SCN3A: variants seen among roughly 807,000 people sequenced by gnomAD.
The protein encoded by SCN3A is sodium voltage-gated channel alpha subunit 3.
A neutral mutation model predicts 187.6 loss-of-function variants in SCN3A; 60 were observed. That is an observed-to-expected ratio of 0.32 (90% CI 0.26 to 0.40). The LOEUF (loss-of-function observed/expected upper bound fraction) is 0.40, where lower values mean the gene tolerates loss of function less well. Ranked by LOEUF, SCN3A falls within the 10% of genes least tolerant of loss-of-function variation. The pLI, the probability that SCN3A is intolerant of heterozygous loss-of-function variation, is 1.00. For synonymous variants in SCN3A, 788 were observed against 829.2 expected, an observed-to-expected ratio of 0.95 and a Z score of 0.85; for missense variants, 1,601 against 2,428.2, an observed-to-expected ratio of 0.66 and a Z score of 7.16.
chr2:165,129,401 C>T (rs1482428174), intron 17 of SCN3A, among the ~76,000 whole-genome samples: 1 of 152,202 alleles, frequency 6.6e-6, no homozygotes, highest in African/African-American at 2.4e-5. Context: ...ATTTTGTCCT[C>T]TTCCAAGTTA....
At chr2:165,188,218 G>A (rs1691360592) in intron 1 of SCN3A, among the ~76,000 whole-genome samples, 1 of 152,116 alleles carries the variant, frequency 6.6e-6, no homozygotes, top group Non-Finnish European at 1.5e-5. Flanking sequence ...CTACCCTTAT[G>A]AAAATTACTG....
At chr2:165,189,229 C>T (rs1008599352) in intron 1 of SCN3A, among the ~76,000 whole-genome samples, 2 of 152,184 alleles carry the variant, frequency 1.3e-5, no homozygotes, top group African/African-American at 4.8e-5. Context: ...GTATAAAGGA[C>T]ATGAGGCAAC....
At chr2:165,099,717 A>AAAAC (rs536285903) in intron 22 of SCN3A, among the ~76,000 whole-genome samples, 135 of 152,262 alleles carry the variant, frequency 8.9e-4, no homozygotes, top group Non-Finnish European at 1.3e-3. Flanking sequence ...ACTCCGTCTA[A>AAAAC]AAACAAACAA....
intron 11 of SCN3A, among the ~76,000 whole-genome samples, chr2:165,149,004 C>A (rs181383622): frequency 6.6e-6 from 1 of 151,928 alleles, no homozygotes; most frequent in Non-Finnish European, 1.5e-5. Flanking sequence ...TATATATATA[C>A]CCTTTCTTAT....
chr2:165,143,142 A>T (rs182546223), intron 12 of SCN3A, among the ~76,000 whole-genome samples: 2 of 152,274 alleles, frequency 1.3e-5, no homozygotes. Flanking sequence ...TGGAATATGG[A>T]TTCAGGAAGT....
chr2:165,128,618 A>G lies in SCN3A; in HGVS notation c.2923-517T>C, dbSNP rs1687137585. On this transcript the variant is annotated intron_variant, in intron 17 of 27. Coordinates refer to ENST00000283254, the MANE Select transcript of SCN3A (RefSeq NM_006922.4). ...AAATTCCTTTGGCCCAATGGCCACAAACTTTTATAACAGCAGAAATTTCTA... is the reference window on the plus strand; with the variant it reads ...AAATTCCTTTGGCCCAATGGCCACAGACTTTTATAACAGCAGAAATTTCTA... Among the ~76,000 whole-genome samples the G allele has an allele frequency of 3.3e-5, 5 of 152,228 alleles. No individual in the cohort carries two copies. In the South Asian group the frequency reaches 8.3e-4, roughly 25 times the overall value.
At chr2:165,099,712 G>T (rs1249038721) in intron 22 of SCN3A, among the ~76,000 whole-genome samples, 1 of 152,084 alleles carries the variant, frequency 6.6e-6, no homozygotes, top group Admixed American at 6.5e-5. Flanking sequence ...GCGAGACTCC[G>T]TCTAAAAACA....
At chr2:165,115,675 G>A (rs1435944046) in intron 18 of SCN3A, 100 bp from the exon 19 acceptor site, 3 of 1,061,982 alleles carry the variant, frequency 2.8e-6, no homozygotes, top group East Asian at 2.4e-5. Flanking sequence ...AGTAGTGATA[G>A]CATTTAACTC....
intron 20 of SCN3A, 132 bp from the exon 21 acceptor site, chr2:165,113,190 A>G (rs1574130075): frequency 2.8e-6 from 2 of 713,044 alleles, no homozygotes; most frequent in Middle Eastern, 3.9e-4. Context: ...ATTGAACATC[A>G]GACAAAATCT....
At chr2:165,186,048 G>T (rs1691210399) in intron 2 of SCN3A, among the ~76,000 whole-genome samples, 1 of 152,224 alleles carries the variant, frequency 6.6e-6, no homozygotes, top group East Asian at 1.9e-4. Flanking sequence ...GAGGCAGGCA[G>T]ATCACGAGGT....
chr2:165,134,881 T>G (rs934168006), intron 15 of SCN3A, among the ~76,000 whole-genome samples: 1 of 151,984 alleles, frequency 6.6e-6, no homozygotes, highest in Non-Finnish European at 1.5e-5. Context: ...CATAAGGTGA[T>G]CTTTTCAGCT....
chr2:165,120,439 G>C (rs1055755918), intron 18 of SCN3A, among the ~76,000 whole-genome samples: 1 of 151,740 alleles, frequency 6.6e-6, no homozygotes, highest in Admixed American at 6.6e-5. Flanking sequence ...TTCAGAGATA[G>C]AAGAGAATGT....
intron 1 of SCN3A, among the ~76,000 whole-genome samples, chr2:165,190,996 A>G (rs1038925215): frequency 2.7e-5 from 4 of 149,888 alleles, no homozygotes; most frequent in African/African-American, 9.8e-5. Context: ...GATAATGCTG[A>G]TGTTGCCAGC....
chr2:165,162,587 T>C lies in SCN3A; in HGVS notation c.936A>G (p.Thr312=). ...NGTFVNVTMS[T]FNWKDYIGDD... Reference sequence around the variant, plus strand: ...CTCCAATGTAATCCTTCCAGTTAAATGTGCTCATTGTTACATTAACAAATG... The same window carrying C: ...CTCCAATGTAATCCTTCCAGTTAAACGTGCTCATTGTTACATTAACAAATG... Residue 312 remains threonine, a synonymous_variant, in exon 8 of 28, where the codon ACA becomes ACG. Transcript: ENST00000283254. 1 of 1,614,146 alleles carries C rather than the reference T, an allele frequency of 6.2e-7. No homozygotes were observed. The highest frequency in any genetic ancestry group is 8.5e-7 in the Non-Finnish European group (1 of 1,180,000).
chr2:165,195,650 T>A (rs1484055315), intron 1 of SCN3A: 1 of 152,142 alleles, frequency 6.6e-6, no homozygotes, highest in Non-Finnish European at 1.5e-5. Context: ...AGTGTATTAT[T>A]TTCTGATTAA....
chr2:165,111,161 C>T (rs1471332542), intron 21 of SCN3A, among the ~76,000 whole-genome samples: 4 of 152,028 alleles, frequency 2.6e-5, no homozygotes, highest in Non-Finnish European at 4.4e-5. Context: ...ATGGCAAAAC[C>T]CTGTCTCTAC....
chr2:165,090,975 A>G lies in SCN3A; in HGVS notation c.5178T>C (p.Cys1726=), dbSNP rs780453351. 3.1e-6 allele frequency: 5 copies of G among 1,614,150 alleles called. No individual in the cohort carries two copies. Among genetic ancestry groups the G allele is most frequent in the Non-Finnish European group, 4.2e-6 (5 of 1,180,010 alleles). ...APILNSAPPD[C]DPDTIHPGSS... ...TGCCAGGGTGAATTGTGTCAGGGTC[A>G]CAGTCGGGTGGTGCACTATTAAGAA... The change falls in exon 28 of 28, where the codon TGT becomes TGC. Residue 1726 remains cysteine (C), a synonymous_variant. Transcript: ENST00000283254. This position sits in a 1 kb window ranked among gnomAD's most constrained non-coding sequence, Gnocchi z 4.0.
At chr2:165,104,135 G>A (rs79502036) in intron 21 of SCN3A, among the ~76,000 whole-genome samples, 1 of 151,898 alleles carries the variant, frequency 6.6e-6, no homozygotes, top group African/African-American at 2.4e-5. Context: ...TTGTGTAGGA[G>A]TCTTTTTGAA....
Position 165,146,771 on chromosome 2 carries a change from T to G in SCN3A, c.1639A>C (p.Thr547Pro), listed in dbSNP as rs757501500. The change falls in exon 12 of 28, where the codon ACC becomes CCC. Residue 547 changes from threonine (T) to proline (P), a missense_variant. Coordinates refer to ENST00000283254, the MANE Select transcript of SCN3A (RefSeq NM_006922.4). The part of the protein sequence containing the change: ...FLFSMDGNRL[T>P]SDKKFCSPHQ... ...GGGGAGCAGAATTTTTTGTCACTGG[T>G]CAGTCTGTTTCCATCCATGGAGAAA... The G allele has an allele frequency of 1.9e-6, 3 of 1,614,060 alleles. No individual in the cohort carries two copies. The highest frequency in any genetic ancestry group is 2.2e-5 in the South Asian group (2 of 91,078).
Sources: allele counts gnomAD v4.1 joint callset (sites outside exome capture counted in the v4.1 genomes callset), GRCh38; gene constraint gnomAD v4.1.1; non-coding constraint Gnocchi (gnomAD v3.1); transcripts MANE v1.5; gene names NCBI Gene and HGNC (gene_info 2026-07-23, HGNC 2026-07-21).